The following MND1 variants were observed in gnomAD, a reference collection of about 807,000 sequenced individuals.
MND1 encodes meiotic nuclear divisions 1.
In MND1, 28 loss-of-function variants were observed where a neutral mutation model predicts 35.1. The observed-to-expected ratio is 0.80, with a 90% CI of 0.59 to 1.09. The LOEUF (loss-of-function observed/expected upper bound fraction) is 1.09, where lower values mean the gene tolerates loss of function less well. Ranked by LOEUF, MND1 falls within the 50% of genes least tolerant of loss-of-function variation. MND1 has a pLI of 0.00. For synonymous variants in MND1, 69 were observed against 70.5 expected (o/e 0.98, Z 0.11); for missense variants, 213 against 239.6 (o/e 0.89, Z 0.73).
At chr4:153,359,484 G>T (rs1251024458) in intron 4 of MND1, among the ~76,000 whole-genome samples, 2 of 152,168 alleles carry the variant, frequency 1.3e-5, no homozygotes, top group Non-Finnish European at 2.9e-5. Flanking sequence ...TACAAATAAA[G>T]CTGCCATAAG....
chr4:153,372,871 C>T (rs898940057), intron 4 of MND1, among the ~76,000 whole-genome samples: 1 of 152,108 alleles, frequency 6.6e-6, no homozygotes, highest in African/African-American at 2.4e-5. Flanking sequence ...AGGTATTAAG[C>T]TCTTTTATTG....
rs1018058831 is a variant in MND1, at chr4:153,379,822, C to T, written c.277-14440C>T. The stretch of plus-strand genomic sequence containing the variant: ...CCGAGACCACACCACTGCACTTCAG[C>T]CTGTGCAACAGAGCAAGACTCCATC... On this transcript the variant is annotated intron_variant, in intron 4 of 7. Coordinates refer to ENST00000240488, the MANE Select transcript of MND1 (RefSeq NM_032117.4). Among the ~76,000 whole-genome samples, 6 of 136,408 alleles carry T rather than the reference C, an allele frequency of 4.4e-5. No individual in the cohort carries two copies. In the South Asian group the frequency reaches 1.4e-3, roughly 33 times the overall value. The allele number at this position is 136,408 out of a possible 152,430, so 89.5% of individuals were successfully genotyped here.
chr4:153,383,004 A>G (rs924024624), intron 4 of MND1, among the ~76,000 whole-genome samples: 5 of 152,360 alleles, frequency 3.3e-5, no homozygotes, highest in East Asian at 3.9e-4. Flanking sequence ...ATAGGAAAAA[A>G]GCAATTCCAT....
chr4:153,378,833 T>C (rs1728582214), intron 4 of MND1, among the ~76,000 whole-genome samples: 1 of 152,226 alleles, frequency 6.6e-6, no homozygotes, highest in Non-Finnish European at 1.5e-5. Context: ...TCCACATTCC[T>C]TATCCTTAAC....
At chr4:153,358,375 G>A (rs1773397359) in intron 3 of MND1, 99 bp from the exon 4 acceptor site, 1 of 1,016,924 alleles carries the variant, frequency 9.8e-7, no homozygotes, top group Non-Finnish European at 1.4e-6. Flanking sequence ...TTTAACTCTT[G>A]ATTTGTGATA....
At chr4:153,388,766 A>G (rs1303009273) in intron 4 of MND1, among the ~76,000 whole-genome samples, 2 of 152,130 alleles carry the variant, frequency 1.3e-5, no homozygotes, top group Admixed American at 1.3e-4. Context: ...CACTCAGCCC[A>G]CCTGTGTTAC....
intron 6 of MND1, among the ~76,000 whole-genome samples, chr4:153,407,938 G>A (rs1729567508): frequency 6.6e-6 from 1 of 152,096 alleles, no homozygotes; most frequent in African/African-American, 2.4e-5. Context: ...AAATGTTCTG[G>A]AATTAAATAG....
At chr4:153,377,479 T>C (rs1728542054) in intron 4 of MND1, among the ~76,000 whole-genome samples, 1 of 152,170 alleles carries the variant, frequency 6.6e-6, no homozygotes, top group South Asian at 2.1e-4. Context: ...ATGGCAGGCA[T>C]TGTGATTGAT....
At chr4:153,396,127 A>G (rs1482549652) in intron 5 of MND1, among the ~76,000 whole-genome samples, 2 of 152,212 alleles carry the variant, frequency 1.3e-5, no homozygotes, top group African/African-American at 2.4e-5. Context: ...CTAATACGAT[A>G]TACACTAACC....
At chr4:153,413,620 G>A (rs1439204611) in intron 7 of MND1, among the ~76,000 whole-genome samples, 1 of 151,656 alleles carries the variant, frequency 6.6e-6, no homozygotes, top group African/African-American at 2.4e-5. Context: ...GGAGACTGCA[G>A]TGAGCTGAGA....
intron 4 of MND1, among the ~76,000 whole-genome samples, chr4:153,378,139 T>C (rs1292830351): frequency 6.6e-6 from 1 of 152,194 alleles, no homozygotes; most frequent in Non-Finnish European, 1.5e-5. Context: ...TATCACAGCC[T>C]TGTTTCTGTC....
At chr4:153,406,957 A>G (rs967559445) in intron 6 of MND1, among the ~76,000 whole-genome samples, 1 of 152,220 alleles carries the variant, frequency 6.6e-6, no homozygotes, top group Non-Finnish European at 1.5e-5. Flanking sequence ...TTGTGCAGGG[A>G]AACTCCCATT....
chr4:153,381,692 A>ATTTTTT lies in MND1; in HGVS notation c.277-12544_277-12539dup, dbSNP rs765943574. On this transcript the variant is annotated intron_variant, in intron 4 of 7. Coordinates refer to ENST00000240488, the MANE Select transcript of MND1 (RefSeq NM_032117.4). ...AATATATATATATATATATATATAT[A>ATTTTTT]TTTTTTTTTTTTTTTTTTTTTTTTT... The ATTTTTT allele has an allele frequency of 5.1e-4, 9 of 17,480 alleles. 2 individuals are homozygous for ATTTTTT. The highest frequency in any genetic ancestry group is 2.3e-3 in the Admixed American group (2 of 858). The allele number at this position is 17,480 out of a possible 1,614,324, so 1.1% of individuals were successfully genotyped here. A position where few individuals can be genotyped will look rare whatever the true frequency, so the allele number is the denominator to read the frequency against.
At chr4:153,380,112 T>C (rs190408067) in intron 4 of MND1, among the ~76,000 whole-genome samples, 22 of 152,056 alleles carry the variant, frequency 1.4e-4, no homozygotes, top group African/African-American at 5.1e-4. Context: ...ACTGTGGACA[T>C]TTTTATATAA....
intron 4 of MND1, chr4:153,363,031 C>T: frequency 1.0e-6 from 1 of 984,980 alleles, no homozygotes; most frequent in Non-Finnish European, 1.2e-6. Context: ...TGGAGGTAAG[C>T]TCCTTGTTAT....
At chr4:153,348,826 G>A (rs148174241) in intron 1 of MND1, among the ~76,000 whole-genome samples, 29 of 152,216 alleles carry the variant, frequency 1.9e-4, no homozygotes, top group African/African-American at 7.0e-4. Flanking sequence ...TGGGTTTCTA[G>A]GTTTTACAAG....
At chr4:153,347,803 C>T (rs1773109925) in intron 1 of MND1, among the ~76,000 whole-genome samples, 1 of 151,916 alleles carries the variant, frequency 6.6e-6, no homozygotes, top group Non-Finnish European at 1.5e-5. Context: ...GAGCATTCTT[C>T]GAGTAGATAA....
chr4:153,354,782 G>C (rs796597321), intron 2 of MND1, among the ~76,000 whole-genome samples: 10 of 152,288 alleles, frequency 6.6e-5, no homozygotes, highest in African/African-American at 2.4e-4. Context: ...TTATAGACAG[G>C]AGACACCATG....
intron 6 of MND1, among the ~76,000 whole-genome samples, chr4:153,405,484 C>G (rs1036712022): frequency 1.3e-5 from 2 of 151,058 alleles, no homozygotes; most frequent in Non-Finnish European, 2.9e-5. Context: ...TGCAGTGAGC[C>G]GAGATCATGC....
Sources: allele counts gnomAD v4.1 joint callset (sites outside exome capture counted in the v4.1 genomes callset), GRCh38; gene constraint gnomAD v4.1.1; transcripts MANE v1.5; gene names NCBI Gene and HGNC (gene_info 2026-07-23, HGNC 2026-07-21).